Variants in SOS1 observed in about 807,000 individuals in gnomAD.
SOS1 encodes son of sevenless homolog 1.
In SOS1, 25 loss-of-function variants were observed where a neutral mutation model predicts 157.6. That is an observed-to-expected ratio of 0.16 (90% CI 0.12 to 0.22). SOS1 has a LOEUF of 0.22. Ranked by LOEUF, SOS1 falls within the 10% of genes least tolerant of loss-of-function variation. The pLI, the probability that SOS1 is intolerant of heterozygous loss-of-function variation, is 1.00. For missense variants in SOS1, 1,237 were observed against 1,599.1 expected, an observed-to-expected ratio of 0.77 and a Z score of 3.86; for synonymous variants, 528 against 534.0, an observed-to-expected ratio of 0.99 and a Z score of 0.16.
chr2:39,120,084 C>T (rs556368092), intron 1 of SOS1, among the ~76,000 whole-genome samples: 1 of 152,334 alleles, frequency 6.6e-6, no homozygotes, highest in Non-Finnish European at 1.5e-5. Flanking sequence ...AAGGGCAAAG[C>T]ATTCACCTCT....
At chr2:39,111,116 C>T (rs1346669576) in intron 1 of SOS1, among the ~76,000 whole-genome samples, 1 of 152,132 alleles carries the variant, frequency 6.6e-6, no homozygotes, top group Non-Finnish European at 1.5e-5. Context: ...GCCTGTAATC[C>T]CAGCTAATCG....
intron 6 of SOS1, 79 bp from the exon 7 acceptor site, chr2:39,035,579 G>A (rs1374078631): frequency 2.0e-6 from 2 of 998,206 alleles, no homozygotes; most frequent in African/African-American, 1.6e-5. Context: ...GCACGACTAT[G>A]CGAGCACAAT....
chr2:39,006,383 G>T, intron 17 of SOS1, 29 bp downstream of exon 17: 1 of 1,003,182 alleles, frequency 1.0e-6, no homozygotes, highest in Non-Finnish European at 1.6e-6. Flanking sequence ...ATCCAGAAAT[G>T]CAATAAAAAT....
Position 39,067,721 on chromosome 2 carries a change from A to C in SOS1, c.120T>G (p.Ser40=). 1 of 1,612,382 alleles carries C rather than the reference A, an allele frequency of 6.2e-7. No individual in the cohort carries two copies. The highest frequency in any genetic ancestry group is 8.5e-7 in the Non-Finnish European group (1 of 1,178,360). The stretch of plus-strand genomic sequence containing the variant: ...CAACATACTGAAGAGCATCATCATT[A>C]GACTCGAGAGTAGGATGAACTTGCC... ...VQGQVHPTLE[S]NDDALQYVEE... The change falls in exon 2 of 23, where the codon TCT becomes TCG. Residue 40 remains serine (S), a synonymous_variant. Transcript: ENST00000402219.
At chr2:39,084,609 A>G (rs1672309911) in intron 1 of SOS1, among the ~76,000 whole-genome samples, 2 of 152,190 alleles carry the variant, frequency 1.3e-5, no homozygotes, top group Admixed American at 1.3e-4. Flanking sequence ...GTCTATGTGT[A>G]TATAAAATAA....
intron 1 of SOS1, among the ~76,000 whole-genome samples, chr2:39,086,446 T>C (rs1228771250): frequency 6.6e-6 from 1 of 152,232 alleles, no homozygotes; most frequent in East Asian, 1.9e-4. Flanking sequence ...GACTCCATTA[T>C]GCTTGAGATC....
chr2:39,023,326 T>A, intron 9 of SOS1, 101 bp from the exon 10 acceptor site: 3 of 810,540 alleles, frequency 3.7e-6, no homozygotes, highest in Non-Finnish European at 5.9e-6. Context: ...CAAGTCTCAC[T>A]GAGAAGGTAT....
chr2:39,040,623 C>A (rs967671451), intron 6 of SOS1, among the ~76,000 whole-genome samples: 14 of 152,124 alleles, frequency 9.2e-5, no homozygotes, highest in African/African-American at 3.4e-4. Flanking sequence ...ATAACGTTTC[C>A]AAGGTTCATC....
chr2:38,989,432 T>C lies in SOS1; in HGVS notation c.3347-118A>G. Reference sequence around the variant, plus strand: ...GTCATTGTCGTTTTAAAGAATGCTGTAACAGTTTATAGTAAAACCTCATTA... The same window carrying C: ...GTCATTGTCGTTTTAAAGAATGCTGCAACAGTTTATAGTAAAACCTCATTA... On this transcript the variant is annotated intron_variant, in intron 20 of 22. Transcript: ENST00000402219. 3 of 710,176 alleles carry C rather than the reference T, an allele frequency of 4.2e-6. No individual in the cohort carries two copies. In the South Asian group the frequency reaches 4.7e-5, roughly 11 times the overall value. The allele number at this position is 710,176 out of a possible 1,614,324, so 44.0% of individuals were successfully genotyped here.
intron 1 of SOS1, among the ~76,000 whole-genome samples, chr2:39,089,483 T>C (rs1338084723): frequency 3.5e-4 from 51 of 143,776 alleles, no homozygotes; most frequent in Non-Finnish European, 5.9e-4. Context: ...AGTGAGCCAT[T>C]GTGCCATGGC....
At chr2:39,085,671 C>A (rs1672344488) in intron 1 of SOS1, among the ~76,000 whole-genome samples, 1 of 152,120 alleles carries the variant, frequency 6.6e-6, no homozygotes, top group African/African-American at 2.4e-5. Flanking sequence ...ACTAGATGAA[C>A]TAAACAGATT....
At chr2:39,096,732 A>C (rs747245463) in intron 1 of SOS1, among the ~76,000 whole-genome samples, 6 of 152,068 alleles carry the variant, frequency 3.9e-5, no homozygotes, top group East Asian at 1.9e-4. Context: ...AAAAATACAA[A>C]AAAATTAGCC....
chr2:39,040,864 G>C (rs1233179575), intron 6 of SOS1, among the ~76,000 whole-genome samples: 1 of 152,154 alleles, frequency 6.6e-6, no homozygotes, highest in African/African-American at 2.4e-5. Context: ...ATACCTAGGA[G>C]TGAAATTTCT....
intron 21 of SOS1, among the ~76,000 whole-genome samples, chr2:38,988,356 A>C (rs1668614613): frequency 6.6e-6 from 1 of 152,194 alleles, no homozygotes; most frequent in African/African-American, 2.4e-5. Context: ...TCTTACAGAC[A>C]TTTATGGTAA....
chr2:39,035,573 G>A (rs1670313992), intron 6 of SOS1, 73 bp from the exon 7 acceptor site: 6 of 1,035,878 alleles, frequency 5.8e-6, no homozygotes, highest in Non-Finnish European at 9.0e-6. Flanking sequence ...TATGGGGCAC[G>A]ACTATGCGAG....
chr2:39,043,306 C>G (rs1332557438), intron 6 of SOS1, among the ~76,000 whole-genome samples: 1 of 152,070 alleles, frequency 6.6e-6, no homozygotes, highest in Admixed American at 6.5e-5. Context: ...GAGTAAACAT[C>G]ATAAGATATA....
chr2:39,061,231 C>A (rs1215694369), intron 2 of SOS1, among the ~76,000 whole-genome samples: 1 of 113,138 alleles, frequency 8.8e-6, no homozygotes, highest in East Asian at 2.5e-4. Flanking sequence ...AAAATGCATG[C>A]GGAAAGATTC....
chr2:39,105,449 A>G (rs979934816), intron 1 of SOS1, among the ~76,000 whole-genome samples: 2 of 152,192 alleles, frequency 1.3e-5, no homozygotes, highest in African/African-American at 4.8e-5. Context: ...AGGATTGATC[A>G]TATTTACAGT....
chr2:39,117,028 C>CTTTTT (rs530087122), intron 1 of SOS1, among the ~76,000 whole-genome samples: 1 of 138,578 alleles, frequency 7.2e-6, no homozygotes, highest in Non-Finnish European at 1.6e-5. Flanking sequence ...ATGTCATTTA[C>CTTTTT]TTTTTTTTTT....
Sources: gnomAD v4.1 joint callset for allele counts (sites outside exome capture counted in the v4.1 genomes callset) on GRCh38, gnomAD v4.1.1 for gene constraint, MANE v1.5 for transcripts, NCBI Gene and HGNC (gene_info 2026-07-23, HGNC 2026-07-21) for gene names.